ALDH1A2: variants seen among roughly 807,000 people sequenced by gnomAD.
ALDH1A2 encodes retinal dehydrogenase 2.
Under a neutral mutation model 60.3 loss-of-function variants are expected in ALDH1A2, and 27 were observed. The ratio of observed to expected loss-of-function variants is 0.45; its 90% CI spans 0.33 to 0.62. ALDH1A2 has a LOEUF of 0.62. Ranked by LOEUF, ALDH1A2 falls within the 20% of genes least tolerant of loss-of-function variation. The pLI is 0.02. For synonymous variants in ALDH1A2, 289 were observed against 232.4 expected (o/e 1.24, Z -2.21); for missense variants, 581 against 643.8 (o/e 0.90, Z 1.06).
At chr15:57,993,788 T>C (rs1391760886) in intron 5 of ALDH1A2, among the ~76,000 whole-genome samples, 1 of 152,214 alleles carries the variant, frequency 6.6e-6, no homozygotes, top group African/African-American at 2.4e-5. Flanking sequence ...TCAGGTGTCA[T>C]TGATAATTTC....
At chr15:57,987,157 AAAT>A (rs1894731789) in intron 7 of ALDH1A2, among the ~76,000 whole-genome samples, 1 of 152,220 alleles carries the variant, frequency 6.6e-6, no homozygotes, top group South Asian at 2.1e-4. Flanking sequence ...CAAAGGAAAA[AAAT>A]GCTGGAAATA....
chr15:58,010,904 C>A, intron 3 of ALDH1A2, 126 bp from the exon 4 acceptor site: 1 of 1,241,496 alleles, frequency 8.1e-7, no homozygotes, highest in Non-Finnish European at 1.1e-6. Context: ...ACCTGGTCAA[C>A]TATGAATTCT....
At chr15:58,051,444 C>A (rs1338675003) in intron 1 of ALDH1A2, among the ~76,000 whole-genome samples, 1 of 152,044 alleles carries the variant, frequency 6.6e-6, no homozygotes, top group Non-Finnish European at 1.5e-5. Flanking sequence ...CAAATTTGGT[C>A]AAGATCCCTA....
rs1273431850 is a variant in ALDH1A2 at position 58,061,603 on chromosome 15, A to C, written c.117+3931T>G. Among the ~76,000 whole-genome samples the C allele has an allele frequency of 8.6e-4, 125 of 145,466 alleles. 1 individual carries two copies. Among genetic ancestry groups the C allele is most frequent in the African/African-American group, 3.0e-3 (119 of 39,758 alleles). On this transcript the variant is annotated intron_variant, in intron 1 of 12. Transcript: ENST00000249750. ...ATTTAAACTCCTTCCCTCAAAAAAA[A>C]AAAAAACAAAAAAAAAAAAAAAACG...
rs114453076 is a variant in ALDH1A2 at position 58,020,824 on chromosome 15, A to G, written c.118-6543T>C. On this transcript the variant is annotated intron_variant, in intron 1 of 12. Transcript: ENST00000249750. ...GTCATTAACGTTTTATGTTTGTACTATGATCACTGAGAAAGCCATGCTGAA... is the reference window on the plus strand; with the variant it reads ...GTCATTAACGTTTTATGTTTGTACTGTGATCACTGAGAAAGCCATGCTGAA... 6.6e-3 allele frequency among the ~76,000 whole-genome samples: 1,003 copies of G among 152,280 alleles called. 16 individuals carry two copies. The highest frequency in any genetic ancestry group is 0.022 in the African/African-American group (927 of 41,566).
chr15:57,961,879 C>T lies in ALDH1A2; in HGVS notation c.1251+133G>A, dbSNP rs1408983272. The T allele has an allele frequency of 2.4e-6, 3 of 1,262,178 alleles. No homozygotes were observed. The Admixed American group carries it at 6.0e-5, about 25-fold the overall frequency. 78.2% of individuals were successfully genotyped at this position (1,262,178 alleles called of 1,614,324 possible). ...CTTCTTGAAACTGGAATTTTCATAG[C>T]CATGTTCATTACTGTTGCAAAATGA... On this transcript the variant is annotated intron_variant, in intron 10 of 12. Transcript: ENST00000249750.
Position 57,955,285 on chromosome 15 carries a change from G to T in ALDH1A2, c.1485-16C>A. ...AAATTCTCCCCTGAAACACAGAAAT[G>T]GGCCGGGTCAGATACCAGAAGTCCA... On this transcript the variant is annotated splice_polypyrimidine_tract_variant and intron_variant, in intron 12 of 12. Coordinates refer to ENST00000249750, the MANE Select transcript of ALDH1A2 (RefSeq NM_003888.4). 1 of 1,613,970 alleles carries T rather than the reference G, an allele frequency of 6.2e-7. No homozygotes were observed. The highest frequency in any genetic ancestry group is 8.5e-7 in the Non-Finnish European group (1 of 1,179,942).
intron 1 of ALDH1A2, chr15:58,036,743 A>G (rs1424211808): frequency 6.6e-6 from 1 of 151,758 alleles, no homozygotes; most frequent in African/African-American, 2.4e-5. Context: ...ACTCTAAGGA[A>G]AGTTAAATAA....
At chr15:57,978,461 T>C (rs1894354368) in intron 7 of ALDH1A2, among the ~76,000 whole-genome samples, 1 of 152,252 alleles carries the variant, frequency 6.6e-6, no homozygotes, top group African/African-American at 2.4e-5. Context: ...TTTTTGTCAT[T>C]GGTTCCGTTT....
chr15:57,992,719 T>C lies in ALDH1A2; in HGVS notation c.784A>G (p.Thr262Ala). 1 of 1,614,110 alleles carries C rather than the reference T, an allele frequency of 6.2e-7. No homozygotes were observed. ...CAGATACCTACCTCAGTAGACCCTG[T>C]GAATGCAATCTTGTCTATGCCAATG... ...SHIGIDKIAF[T>A]GSTEVGKLIQ... Residue 262 changes from threonine (T) to alanine (A), a missense_variant, in exon 7 of 13, where the codon ACA (threonine) becomes GCA (alanine). Coordinates refer to ENST00000249750, the MANE Select transcript of ALDH1A2 (RefSeq NM_003888.4).
At chr15:58,060,754 A>G (rs1441458684) in intron 1 of ALDH1A2, among the ~76,000 whole-genome samples, 1 of 152,128 alleles carries the variant, frequency 6.6e-6, no homozygotes, top group African/African-American at 2.4e-5. Context: ...TTACAATAAA[A>G]CTTTATTTAT....
In ALDH1A2 at chr15:57,995,558, A is replaced by C. The variant is rs1331959852; in HGVS notation, c.494-419T>G. 2.6e-5 allele frequency among the ~76,000 whole-genome samples: 4 copies of C among 152,114 alleles called. No homozygotes were observed. In the East Asian group the frequency reaches 7.7e-4, roughly 29 times the overall value. On this transcript the variant is annotated intron_variant, in intron 4 of 12. Coordinates refer to ENST00000249750, the MANE Select transcript of ALDH1A2 (RefSeq NM_003888.4). ...TGAAGTATTAAAATAAACTAAGTAA[A>C]ATGCTATTGGGCAAATTTAAAATGC... is the stretch of plus-strand genomic sequence containing the variant.
At chr15:58,055,795 G>A (rs1488152029) in intron 1 of ALDH1A2, among the ~76,000 whole-genome samples, 2 of 151,962 alleles carry the variant, frequency 1.3e-5, no homozygotes, top group African/African-American at 2.4e-5. Flanking sequence ...AACAAAATAA[G>A]AAGTAATGTT....
chr15:58,058,010 A>T, intron 1 of ALDH1A2: 2 of 1,471,394 alleles, frequency 1.4e-6, no homozygotes, highest in Non-Finnish European at 1.8e-6. Context: ...GGCAGAATTC[A>T]CCAGTTTCAG....
At chr15:58,030,492 C>T (rs1342878742) in intron 1 of ALDH1A2, among the ~76,000 whole-genome samples, 1 of 152,114 alleles carries the variant, frequency 6.6e-6, no homozygotes, top group Admixed American at 6.5e-5. Context: ...GACAAGGATG[C>T]CCTCCCTCAC....
chr15:58,064,916 CT>C (rs1212104096), intron 1 of ALDH1A2, among the ~76,000 whole-genome samples: 9 of 151,868 alleles, frequency 5.9e-5, no homozygotes, highest in African/African-American at 2.2e-4. Flanking sequence ...AATATTAAAA[CT>C]TTTTAAGTTT....
At position 57,965,746 on chromosome 15, in the gene ALDH1A2, T is replaced by A; in HGVS notation, c.880A>T (p.Ile294Phe). Residue 294 changes from isoleucine (I) to phenylalanine (F), a missense_variant, in exon 8 of 13, where the codon ATT becomes TTT. Coordinates refer to ENST00000249750, the MANE Select transcript of ALDH1A2 (RefSeq NM_003888.4). ...TLELGGKSPN[I>F]IFADADLDYA... ...TTACAGTCAGCATCAGCAAAAATAATATTAGGACTTTTGCCTCCAAGTTCC... is the reference window on the plus strand; with the variant it reads ...TTACAGTCAGCATCAGCAAAAATAAAATTAGGACTTTTGCCTCCAAGTTCC... 6.2e-7 allele frequency: 1 copy of A among 1,613,982 alleles called. No individual in the cohort carries two copies. Among genetic ancestry groups the A allele is most frequent in the Non-Finnish European group, 8.5e-7 (1 of 1,179,830 alleles).
At chr15:57,966,915 A>G (rs1230128738) in intron 7 of ALDH1A2, among the ~76,000 whole-genome samples, 1 of 152,222 alleles carries the variant, frequency 6.6e-6, no homozygotes, top group Non-Finnish European at 1.5e-5. Flanking sequence ...GAGAGCACAT[A>G]TCACTTTATG....
intron 4 of ALDH1A2, among the ~76,000 whole-genome samples, chr15:58,003,166 C>A (rs1234056167): frequency 6.6e-6 from 1 of 151,790 alleles, no homozygotes; most frequent in Non-Finnish European, 1.5e-5. Context: ...CTTAGGGATC[C>A]CTGAGGCCCT....
Sources: allele counts gnomAD v4.1 joint callset (sites outside exome capture counted in the v4.1 genomes callset), GRCh38; gene constraint gnomAD v4.1.1; transcripts MANE v1.5; gene names NCBI Gene and HGNC (gene_info 2026-07-23, HGNC 2026-07-21).